Variants in MAU2 observed in about 807,000 individuals in gnomAD.
The protein encoded by MAU2 is MAU2 sister chromatid cohesion factor.
A neutral mutation model predicts 89.1 loss-of-function variants in MAU2; 9 were observed. That is an observed-to-expected ratio of 0.10 (90% CI 0.06 to 0.18). The LOEUF is 0.18. Among genes scored for constraint, MAU2 ranks in the 10% least tolerant of loss-of-function variants. MAU2 has a pLI of 1.00. For synonymous variants in MAU2, 357 were observed against 343.4 expected, an observed-to-expected ratio of 1.04 and a Z score of -0.44; for missense variants, 425 against 803.5, an observed-to-expected ratio of 0.53 and a Z score of 5.69.
chr19:19,345,018 C>T lies in MAU2; in HGVS notation c.1155+92C>T. 8.7e-7 allele frequency: 1 copy of T among 1,146,920 alleles called. No individual in the cohort carries two copies. The highest frequency in any genetic ancestry group is 1.3e-5 in the South Asian group (1 of 78,126). 71.0% of individuals were successfully genotyped at this position (1,146,920 alleles called of 1,614,324 possible). A position where few individuals can be genotyped will look rare whatever the true frequency, so the allele number is the denominator to read the frequency against. The stretch of plus-strand genomic sequence containing the variant: ...GATCCAGAACATTCCCAGTGAAGGA[C>T]CCCCTGACAGCACCCTAATCAGAAT... On this transcript the variant is annotated intron_variant, in intron 11 of 18. Coordinates refer to ENST00000262815, the MANE Select transcript of MAU2 (RefSeq NM_015329.4). The surrounding 1 kb of genome is among the most constrained non-coding windows in gnomAD (Gnocchi z 4.9).
chr19:19,339,584 A>C (rs2061624334), intron 5 of MAU2: 2 of 150,580 alleles, frequency 1.3e-5, no homozygotes, highest in Admixed American at 6.6e-5. Flanking sequence ...ATAGGGTCTC[A>C]CCATGTTGCC....
At position 19,349,545 on chromosome 19, in the gene MAU2, C is replaced by G. The variant is rs542194366; in HGVS notation, c.1548+109C>G. ...GCATGGCACTGTTCATCCTATGCCC[C>G]TCGAAGAGCACGTCTAGGTGGATGC... On this transcript the variant is annotated intron_variant, in intron 16 of 18. Transcript: ENST00000262815. The G allele has an allele frequency of 1.4e-5, 13 of 943,462 alleles. No homozygotes were observed. In the Admixed American group the frequency reaches 2.5e-4, roughly 18 times the overall value. The allele number at this position is 943,462 out of a possible 1,614,324, so 58.4% of individuals were successfully genotyped here.
chr19:19,356,501 G>C lies in MAU2; in HGVS notation c.*719G>C, dbSNP rs971887898. ...CACGGGTGTGCGGTGAAGATCTGTG[G>C]AGATGGAGCTGGGAGCTGAGGCTCC... On this transcript the variant is annotated 3_prime_UTR_variant, in exon 19 of 19. Coordinates refer to ENST00000262815, the MANE Select transcript of MAU2 (RefSeq NM_015329.4). 7 of 174,946 alleles carry C rather than the reference G, an allele frequency of 4.0e-5. No individual in the cohort carries two copies. Among genetic ancestry groups the C allele is most frequent in the Admixed American group, 3.9e-4 (7 of 17,952 alleles). The allele number at this position is 174,946 out of a possible 1,614,324, so 10.8% of individuals were successfully genotyped here.
At chr19:19,348,792 C>G (rs182614179) in intron 13 of MAU2, 97 bp from the exon 14 acceptor site, 1 of 1,335,682 alleles carries the variant, frequency 7.5e-7, no homozygotes, top group Non-Finnish European at 1.1e-6. Context: ...ACAGTCCCGA[C>G]GGGGGTGTAG....
chr19:19,349,986 T>TTC (rs1156952618), intron 16 of MAU2, among the ~76,000 whole-genome samples: 3 of 150,700 alleles, frequency 2.0e-5, no homozygotes, highest in Non-Finnish European at 4.4e-5. Context: ...TTTTTTTTTT[T>TTC]TTTTTTTTTT....
chr19:19,348,795 G>T, intron 13 of MAU2, 94 bp from the exon 14 acceptor site: 1 of 1,347,172 alleles, frequency 7.4e-7, no homozygotes, highest in Admixed American at 1.7e-5. Flanking sequence ...GTCCCGACGG[G>T]GGTGTAGAGA....
intron 16 of MAU2, 84 bp downstream of exon 16, chr19:19,349,520 G>T: frequency 1.7e-6 from 2 of 1,176,974 alleles, no homozygotes; most frequent in Non-Finnish European, 2.5e-6. Context: ...CCTAAGGGTG[G>T]CATGGCACTG....
chr19:19,348,749 T>C, intron 13 of MAU2, 140 bp from the exon 14 acceptor site: 1 of 906,024 alleles, frequency 1.1e-6, no homozygotes, highest in Admixed American at 1.9e-5. Context: ...AGGCTGCTCT[T>C]GCTGGTCAGT....
At chr19:19,342,996 T>C in intron 9 of MAU2, 130 bp downstream of exon 9, 1 of 885,270 alleles carries the variant, frequency 1.1e-6, no homozygotes, top group Non-Finnish European at 1.8e-6. Flanking sequence ...CTGGTGGGTC[T>C]CGTCACCCCT....
Position 19,358,047 on chromosome 19 carries a change from AC to A in MAU2, c.*2266del, listed in dbSNP as rs2048198842. ...GCAGTGAGCATGATCGCGACACTGC[AC>A]TCCAGCCTGGGTGACGGTGAGACTT... On this transcript the variant is annotated 3_prime_UTR_variant, in exon 19 of 19. Coordinates refer to ENST00000262815, the MANE Select transcript of MAU2 (RefSeq NM_015329.4). 6.7e-6 allele frequency: 1 copy of A among 148,984 alleles called. No homozygotes were observed. Among genetic ancestry groups the A allele is most frequent in the South Asian group, 2.1e-4 (1 of 4,726 alleles). The allele number at this position is 148,984 out of a possible 1,614,324, so 9.2% of individuals were successfully genotyped here. A position where few individuals can be genotyped will look rare whatever the true frequency, so the allele number is the denominator to read the frequency against.
At chr19:19,350,136 A>C (rs1304024607) in intron 16 of MAU2, among the ~76,000 whole-genome samples, 1 of 150,692 alleles carries the variant, frequency 6.6e-6, no homozygotes, top group African/African-American at 2.4e-5. Context: ...CTCTTACTAA[A>C]AATACAAAAA....
At position 19,355,940 on chromosome 19, in the gene MAU2, G is replaced by C. The variant is rs561975650; in HGVS notation, c.*158G>C. ...GGGGCCAGTCCCTGCCCTCCCAGGA[G>C]GGGTGGTAGCCGTTCCCACCTCGCA... On this transcript the variant is annotated 3_prime_UTR_variant, in exon 19 of 19. Transcript: ENST00000262815. 114 of 769,600 alleles carry C rather than the reference G, an allele frequency of 1.5e-4. No individual in the cohort carries two copies. The East Asian group carries it at 2.7e-3, about 18-fold the overall frequency. The allele number at this position is 769,600 out of a possible 1,614,324, so 47.7% of individuals were successfully genotyped here. A position where few individuals can be genotyped will look rare whatever the true frequency, so the allele number is the denominator to read the frequency against.
chr19:19,334,118 C>A, intron 1 of MAU2: 1 of 969,312 alleles, frequency 1.0e-6, no homozygotes, highest in Non-Finnish European at 1.2e-6. Flanking sequence ...TGGAAAAAAG[C>A]CCCCAACTTC....
chr19:19,334,262 T>C, intron 1 of MAU2: 1 of 985,494 alleles, frequency 1.0e-6, no homozygotes, highest in Non-Finnish European at 1.2e-6. Context: ...GCCCCTCCTG[T>C]CCGTGCCACA....
At chr19:19,354,697 A>G in intron 17 of MAU2, 1 of 531,820 alleles carries the variant, frequency 1.9e-6, no homozygotes, top group South Asian at 2.2e-5. Flanking sequence ...GGTATCTGGT[A>G]GACTTGGGCT....
At chr19:19,337,124 G>GC in intron 3 of MAU2, 46 bp from the exon 4 acceptor site, 1 of 1,032,150 alleles carries the variant, frequency 9.7e-7, no homozygotes, top group South Asian at 1.7e-5. Context: ...TTGCCGCCTT[G>GC]TTTTTTTTTT....
chr19:19,335,940 G>C (rs929457374), intron 2 of MAU2, among the ~76,000 whole-genome samples, 182 bp from the exon 3 acceptor site: 2 of 152,094 alleles, frequency 1.3e-5, no homozygotes, highest in Non-Finnish European at 2.9e-5. Flanking sequence ...CTTGCATCCA[G>C]CTCCAAGCCC....
In MAU2 at chr19:19,348,680, G is replaced by T. The variant is rs548509021; in HGVS notation, c.1309-209G>T. On this transcript the variant is annotated intron_variant, in intron 13 of 18. Transcript: ENST00000262815. ...CCCCTGTCACCTACTGCAGGACAGG[G>T]TGGCACAGGCAGGGCTGGCTGAGGG... The T allele has an allele frequency of 2.1e-5, 14 of 663,890 alleles. No individual in the cohort carries two copies. The East Asian group carries it at 3.5e-4, about 17-fold the overall frequency. The allele number at this position is 663,890 out of a possible 1,614,324, so 41.1% of individuals were successfully genotyped here. A position where few individuals can be genotyped will look rare whatever the true frequency, so the allele number is the denominator to read the frequency against.
Position 19,354,012 on chromosome 19 carries a change from G to A in MAU2, c.1549-343G>A, listed in dbSNP as rs1329815068. 1.2e-5 allele frequency: 4 copies of A among 325,400 alleles called. No homozygotes were observed. In the East Asian group the frequency reaches 2.6e-4, roughly 21 times the overall value. 20.2% of individuals were successfully genotyped at this position (325,400 alleles called of 1,614,324 possible). On this transcript the variant is annotated intron_variant, in intron 16 of 18. Coordinates refer to ENST00000262815, the MANE Select transcript of MAU2 (RefSeq NM_015329.4). ...GAACCTGAAACCTGGAACCCTATATGAATCTGCATTTCTGATCAGCCCCCA... is the reference window on the plus strand; with the variant it reads ...GAACCTGAAACCTGGAACCCTATATAAATCTGCATTTCTGATCAGCCCCCA...
Sources: gnomAD v4.1 joint callset for allele counts (sites outside exome capture counted in the v4.1 genomes callset) on GRCh38, gnomAD v4.1.1 for gene constraint, Gnocchi (gnomAD v3.1) non-coding constraint, MANE v1.5 for transcripts, NCBI Gene and HGNC (gene_info 2026-07-23, HGNC 2026-07-21) for gene names.